Variants in SP140L observed in about 807,000 individuals in gnomAD.
The protein encoded by SP140L is SP140 like nuclear body protein.
In SP140L, 64 loss-of-function variants were observed where a neutral mutation model predicts 84.3. The observed-to-expected ratio is 0.76, with a 90% CI of 0.62 to 0.94. SP140L has a LOEUF of 0.94. Ranked by LOEUF, SP140L falls within the 40% of genes least tolerant of loss-of-function variation. SP140L has a pLI of 0.00. For synonymous variants in SP140L, 242 were observed against 236.9 expected (o/e 1.02, Z -0.20); for missense variants, 628 against 692.5 (o/e 0.91, Z 1.05).
chr2:230,400,350 T>C (rs542424439), intron 15 of SP140L, 108 bp downstream of exon 15: 111 of 1,126,832 alleles, frequency 9.9e-5, no homozygotes, highest in Admixed American at 3.3e-4. Flanking sequence ...AAGGAGCAGG[T>C]TCATCGGGTA....
At chr2:230,400,346 C>G in intron 15 of SP140L, 104 bp downstream of exon 15, 1 of 1,192,054 alleles carries the variant, frequency 8.4e-7, no homozygotes, top group Non-Finnish European at 1.2e-6. Flanking sequence ...GGGGAAGGAG[C>G]AGGTTCATCG....
chr2:230,401,869 C>T (rs2062357059), intron 18 of SP140L, 62 bp downstream of exon 18: 1 of 1,591,848 alleles, frequency 6.3e-7, no homozygotes, highest in Admixed American at 1.8e-5. Context: ...TTTCTGGTGC[C>T]TAGAAAAATT....
At chr2:230,348,806 T>C (rs556295496) in intron 2 of SP140L, among the ~76,000 whole-genome samples, 2 of 152,362 alleles carry the variant, frequency 1.3e-5, no homozygotes, top group African/African-American at 4.8e-5. Context: ...GTCACAAAGA[T>C]TTTTGTCTTT....
At chr2:230,337,272 T>G (rs2059907089) in intron 2 of SP140L, among the ~76,000 whole-genome samples, 3 of 152,222 alleles carry the variant, frequency 2.0e-5, no homozygotes, top group Admixed American at 1.3e-4. Context: ...TCATGTGTCT[T>G]TTGGCTGCAT....
chr2:230,358,245 G>A (rs1479387560), intron 3 of SP140L, among the ~76,000 whole-genome samples: 1 of 152,116 alleles, frequency 6.6e-6, no homozygotes, highest in Non-Finnish European at 1.5e-5. Flanking sequence ...TAATTTTAAT[G>A]AATTGATTTA....
rs1367897671 is a variant in SP140L at position 230,361,698 on chromosome 2, G to A, written c.523+1G>A. 1.3e-6 allele frequency: 2 copies of A among 1,555,622 alleles called. No homozygotes were observed. Among genetic ancestry groups the A allele is most frequent in the East Asian group, 4.8e-5 (2 of 41,688 alleles). Reference sequence around the variant, plus strand: ...GACATCAAACTAAGTCTTAAACAAGGTAAAAATGACAGAATAAAAACGGTT... The same window carrying A: ...GACATCAAACTAAGTCTTAAACAAGATAAAAATGACAGAATAAAAACGGTT... On this transcript the variant is annotated splice_donor_variant, in intron 5 of 18. Coordinates refer to ENST00000415673, the MANE Select transcript of SP140L (RefSeq NM_138402.6). LOFTEE classifies it high-confidence loss of function.
intron 7 of SP140L, among the ~76,000 whole-genome samples, chr2:230,379,434 G>A (rs1315649339): frequency 6.6e-6 from 1 of 151,838 alleles, no homozygotes; most frequent in Non-Finnish European, 1.5e-5. Flanking sequence ...ATCTTGTAAT[G>A]GTTTCACTAC....
In SP140L at chr2:230,375,283, A is replaced by T. The variant is rs2061207492; in HGVS notation, c.637+3632A>T. 2.0e-5 allele frequency among the ~76,000 whole-genome samples: 3 copies of T among 152,208 alleles called. No individual in the cohort carries two copies. The South Asian group carries it at 6.2e-4, about 32-fold the overall frequency. On this transcript the variant is annotated intron_variant, in intron 7 of 18. Transcript: ENST00000415673. Reference sequence around the variant, plus strand: ...TATACACAGATCTGTGTCTTATCACATTTCTTTATCCATTCATCTGTTGAT... The same window carrying T: ...TATACACAGATCTGTGTCTTATCACTTTTCTTTATCCATTCATCTGTTGAT...
At chr2:230,402,114 C>A (rs914897703) in intron 18 of SP140L, among the ~76,000 whole-genome samples, 3 of 152,196 alleles carry the variant, frequency 2.0e-5, no homozygotes, top group Admixed American at 2.0e-4. Context: ...AAGAGAATTT[C>A]ATCTTAAAGT....
intron 7 of SP140L, among the ~76,000 whole-genome samples, chr2:230,383,056 T>A (rs542582496): frequency 6.6e-6 from 1 of 152,362 alleles, no homozygotes; most frequent in East Asian, 1.9e-4. Flanking sequence ...AATTCTATAA[T>A]GATTATGTAA....
intron 12 of SP140L, 43 bp from the exon 13 acceptor site, chr2:230,393,371 G>A: frequency 6.4e-7 from 1 of 1,552,338 alleles, no homozygotes; most frequent in Non-Finnish European, 8.7e-7. Context: ...TCACAAAACA[G>A]AAACGCAGGC....
In SP140L at chr2:230,371,638, C is replaced by G; in HGVS notation, c.624C>G (p.Pro208=). The G allele has an allele frequency of 6.2e-7, 1 of 1,604,736 alleles. No individual in the cohort carries two copies. The highest frequency in any genetic ancestry group is 2.2e-5 in the East Asian group (1 of 44,800). The stretch of plus-strand genomic sequence containing the variant: ...CAAACAACTCTACTTTGGGAAAACC[C>G]AAGAGGAAAAGAAGTAAGAATAAAT... The part of the protein sequence containing the change: ...DIANNSTLGK[P]KRKRRKKKGH... The change falls in exon 7 of 19, where the codon CCC becomes CCG. Residue 208 remains proline (P), a synonymous_variant. Transcript: ENST00000415673.
chr2:230,344,949 G>A (rs2060165997), intron 2 of SP140L, among the ~76,000 whole-genome samples: 1 of 152,150 alleles, frequency 6.6e-6, no homozygotes, highest in Non-Finnish European at 1.5e-5. Flanking sequence ...GGCCTAACAT[G>A]TACACTTGAG....
chr2:230,342,868 G>C (rs573879422), intron 2 of SP140L, among the ~76,000 whole-genome samples: 28 of 151,954 alleles, frequency 1.8e-4, no homozygotes, highest in African/African-American at 6.5e-4. Context: ...CTTTTCTACT[G>C]TTTTCCTATT....
intron 7 of SP140L, among the ~76,000 whole-genome samples, chr2:230,377,836 A>G (rs777631023): frequency 3.3e-5 from 4 of 119,816 alleles, no homozygotes; most frequent in Admixed American, 8.1e-5. Context: ...ATTTTTTTAT[A>G]AAGTCTACAT....
intron 2 of SP140L, among the ~76,000 whole-genome samples, chr2:230,354,108 A>G (rs999224670): frequency 6.6e-6 from 1 of 152,130 alleles, no homozygotes; most frequent in Admixed American, 6.6e-5. Flanking sequence ...CCCATTTCCC[A>G]TAATATTTCT....
At chr2:230,357,784 T>C (rs4973317) in intron 2 of SP140L, 21 bp from the exon 3 acceptor site, 180,399 of 1,586,480 alleles carry the variant, frequency 0.11, 10,748 homozygotes, top group Middle Eastern at 0.15. Flanking sequence ...ACCATTTTCA[T>C]TTGGTGTCCT....
intron 2 of SP140L, among the ~76,000 whole-genome samples, chr2:230,333,861 A>C (rs1363475570): frequency 6.6e-6 from 1 of 151,940 alleles, no homozygotes; most frequent in African/African-American, 2.4e-5. Context: ...AATTTCTGCC[A>C]TGATATTTTT....
At chr2:230,379,063 T>A (rs111575785) in intron 7 of SP140L, among the ~76,000 whole-genome samples, 51 of 152,336 alleles carry the variant, frequency 3.3e-4, no homozygotes, top group African/African-American at 1.0e-3. Flanking sequence ...CAAGTGCTAA[T>A]GTTGTTATAT....
Sources: allele counts gnomAD v4.1 joint callset (sites outside exome capture counted in the v4.1 genomes callset), GRCh38; gene constraint gnomAD v4.1.1; transcripts MANE v1.5; gene names NCBI Gene and HGNC (gene_info 2026-07-23, HGNC 2026-07-21).